The following HHLA2 variants were observed in gnomAD, a reference collection of about 807,000 sequenced individuals.
HHLA2 encodes the protein HHLA2 member of B7 family, also known as HERV-H LTR-associating protein 2.
In HHLA2, 48 loss-of-function variants were observed where a neutral mutation model predicts 45.9. The ratio of observed to expected loss-of-function variants is 1.05; its 90% confidence interval spans 0.83 to 1.33. The LOEUF (loss-of-function observed/expected upper bound fraction) is 1.33, where lower values mean the gene tolerates loss of function less well. Among genes scored for constraint, HHLA2 ranks in the 40% most tolerant of loss-of-function variants. The probability of loss-of-function intolerance (pLI) is 0.00; values close to 1 mark genes in which losing one functional copy is unlikely to be tolerated. For missense variants in HHLA2, 462 were observed against 494.3 expected (o/e 0.93, Z 0.62); for synonymous variants, 161 against 173.9 (o/e 0.93, Z 0.59).
chr3:108,316,039 T>C (rs1187550300), intron 2 of HHLA2, among the ~76,000 whole-genome samples: 1 of 150,404 alleles, frequency 6.6e-6, no homozygotes, highest in Non-Finnish European at 1.5e-5. Flanking sequence ...ACACCCTACA[T>C]GTTTCTGAAA....
chr3:108,357,983 G>A, exon 7 of HHLA2: 1 of 1,613,734 alleles, frequency 6.2e-7, no homozygotes, highest in Non-Finnish European at 8.5e-7. Context: ...CTTACTATCT[G>A]AGCTCCTCAC....
chr3:108,344,199 T>TC, intron 3 of HHLA2, among the ~76,000 whole-genome samples: 1 of 151,974 alleles, frequency 6.6e-6, no homozygotes, highest in East Asian at 1.9e-4. Context: ...TTTGATTTTT[T>TC]TTTTCCTGTA....
chr3:108,372,179 A>G (rs927679793), intron 8 of HHLA2, among the ~76,000 whole-genome samples: 24 of 152,366 alleles, frequency 1.6e-4, no homozygotes, highest in South Asian at 1.2e-3. Context: ...AATTCACTCA[A>G]AACTGCTCAA....
intron 8 of HHLA2, among the ~76,000 whole-genome samples, chr3:108,370,156 T>A (rs1047247423): frequency 6.6e-6 from 1 of 152,146 alleles, no homozygotes; most frequent in African/African-American, 2.4e-5. Context: ...AGTTCACAAG[T>A]ATCCGCTGTT....
chr3:108,371,285 T>C (rs1020686919), intron 8 of HHLA2, among the ~76,000 whole-genome samples: 1 of 152,308 alleles, frequency 6.6e-6, no homozygotes, highest in Middle Eastern at 3.4e-3. Context: ...CTGAGAGATT[T>C]TGTCACCACC....
chr3:108,308,822 T>C (rs2080971890), intron 1 of HHLA2, among the ~76,000 whole-genome samples: 1 of 152,236 alleles, frequency 6.6e-6, no homozygotes, highest in Non-Finnish European at 1.5e-5. Context: ...GATATGTCTA[T>C]TCAAATCTTT....
intron 7 of HHLA2, among the ~76,000 whole-genome samples, chr3:108,360,721 T>C (rs1277383891): frequency 6.6e-6 from 1 of 152,170 alleles, no homozygotes; most frequent in Non-Finnish European, 1.5e-5. Flanking sequence ...TGGCACACAA[T>C]TTAAAACTTA....
chr3:108,317,576 C>CTTT (rs55986913), intron 2 of HHLA2, among the ~76,000 whole-genome samples: 5 of 122,612 alleles, frequency 4.1e-5, no homozygotes, highest in Admixed American at 1.6e-4. Context: ...GAGATTACTT[C>CTTT]TTTTTTTTTT....
chr3:108,312,972 C>A (rs1400417272), intron 2 of HHLA2, among the ~76,000 whole-genome samples: 1 of 152,086 alleles, frequency 6.6e-6, no homozygotes, highest in Admixed American at 6.5e-5. Flanking sequence ...TCTTGAGGAA[C>A]GAACAGTTGT....
At chr3:108,360,627 C>T (rs1332326798) in intron 7 of HHLA2, among the ~76,000 whole-genome samples, 1 of 152,174 alleles carries the variant, frequency 6.6e-6, no homozygotes, top group Non-Finnish European at 1.5e-5. Flanking sequence ...GTGTGTACAA[C>T]GTGGATATGC....
chr3:108,335,400 AC>A (rs2107395584), intron 3 of HHLA2, among the ~76,000 whole-genome samples: 1 of 152,326 alleles, frequency 6.6e-6, no homozygotes, highest in African/African-American at 2.4e-5. Context: ...GATAACAACT[AC>A]CACTGACTAT....
chr3:108,363,464 G>A (rs2082013155), intron 8 of HHLA2, among the ~76,000 whole-genome samples: 1 of 152,092 alleles, frequency 6.6e-6, no homozygotes, highest in Admixed American at 6.5e-5. Flanking sequence ...GTTGATATTT[G>A]GCTATTGCCC....
intron 2 of HHLA2, chr3:108,328,262 C>A (rs866309275): frequency 5.8e-6 from 8 of 1,389,262 alleles, no homozygotes; most frequent in Non-Finnish European, 6.7e-6. Flanking sequence ...CTAATTTTAT[C>A]CACACAGCAT....
In HHLA2 at chr3:108,335,727, G is replaced by A. The variant is rs575657855; in HGVS notation, c.-27+7380G>A. ...TGAACTGACCTGACGGTATGAATGC[G>A]TATTCATGTGATTGACAGCTGCTGC... On this transcript the variant is annotated intron_variant, in intron 3 of 10. Coordinates refer to ENST00000619531, the Ensembl canonical transcript of HHLA2. Among the ~76,000 whole-genome samples the A allele has an allele frequency of 5.3e-5, 8 of 152,244 alleles. No homozygotes were observed. The East Asian group carries it at 1.2e-3, about 22-fold the overall frequency.
intron 2 of HHLA2, among the ~76,000 whole-genome samples, chr3:108,324,543 C>A (rs2081256907): frequency 6.6e-6 from 1 of 152,218 alleles, no homozygotes; most frequent in African/African-American, 2.4e-5. Flanking sequence ...TTTCACAAGG[C>A]TCCTTCATGT....
At chr3:108,307,777 A>G (rs1034438111) in intron 1 of HHLA2, among the ~76,000 whole-genome samples, 1 of 152,224 alleles carries the variant, frequency 6.6e-6, no homozygotes, top group African/African-American at 2.4e-5. Flanking sequence ...TTTGAAGGTC[A>G]CCAGTTTTCC....
At chr3:108,306,603 G>A (rs12492321) in intron 1 of HHLA2, among the ~76,000 whole-genome samples, 14,745 of 152,146 alleles carry the variant, frequency 0.097, 1,464 homozygotes, top group East Asian at 0.53. Context: ...GTCAGTTAAG[G>A]AAAGATTCTC....
At chr3:108,303,517 G>A (rs1171449557) in intron 1 of HHLA2, among the ~76,000 whole-genome samples, 5 of 151,936 alleles carry the variant, frequency 3.3e-5, no homozygotes, top group Non-Finnish European at 5.9e-5. Context: ...GCTTGTTTTT[G>A]AGTACTTGTT....
intron 1 of HHLA2, among the ~76,000 whole-genome samples, chr3:108,298,753 G>A (rs1436103993): frequency 6.6e-6 from 1 of 152,180 alleles, no homozygotes; most frequent in Non-Finnish European, 1.5e-5. Flanking sequence ...TTAAAATTGA[G>A]TAACGAATGG....
Sources: allele counts gnomAD v4.1 joint callset (sites outside exome capture counted in the v4.1 genomes callset), GRCh38; gene constraint gnomAD v4.1.1; transcripts MANE v1.5; gene names NCBI Gene and HGNC (gene_info 2026-07-23, HGNC 2026-07-21).